PTPRO: variants seen among roughly 807,000 people sequenced by gnomAD.
PTPRO encodes protein tyrosine phosphatase receptor type O.
A neutral mutation model predicts 145.2 loss-of-function variants in PTPRO; 62 were observed. The ratio of observed to expected loss-of-function variants is 0.43; its 90% CI spans 0.35 to 0.53. PTPRO has a LOEUF of 0.53. Ranked by LOEUF, PTPRO falls within the 20% of genes least tolerant of loss-of-function variation. The probability of loss-of-function intolerance (pLI) is 0.01; values close to 1 mark genes in which losing one functional copy is unlikely to be tolerated. For missense variants in PTPRO, 1,345 were observed against 1,482.7 expected (o/e 0.91, Z 1.53); for synonymous variants, 565 against 514.7 (o/e 1.10, Z -1.32).
Position 15,581,810 on chromosome 12 carries a change from C to A in PTPRO, c.3255+9C>A. 1 of 1,613,618 alleles carries A rather than the reference C, an allele frequency of 6.2e-7. No homozygotes were observed. The highest frequency in any genetic ancestry group is 8.5e-7 in the Non-Finnish European group (1 of 1,179,712). On this transcript the variant is annotated intron_variant, in intron 23 of 26. Transcript: ENST00000281171. ...ACTTCCGGATCAACTATGTAAGTCA[C>A]CAGGCAGAGAGCAGGTGCTGTCCCT...
intron 6 of PTPRO, 24 bp from the exon 7 acceptor site, chr12:15,508,526 AGTGTAACGTGCAGCCTCCCCT>A: frequency 6.5e-7 from 1 of 1,543,346 alleles, no homozygotes; most frequent in Non-Finnish European, 8.9e-7. Flanking sequence ...TATCTCAATC[AGTGTAACGTGCAGCCTCCCCT>A]GTGTTCCAAT....
intron 19 of PTPRO, among the ~76,000 whole-genome samples, chr12:15,573,396 G>A (rs374067787): frequency 1.3e-5 from 2 of 152,250 alleles, no homozygotes; most frequent in African/African-American, 4.8e-5. Context: ...CTTCACAGCA[G>A]CAGACTGGTG....
intron 1 of PTPRO, among the ~76,000 whole-genome samples, chr12:15,434,313 G>T (rs1251926371): frequency 6.6e-6 from 1 of 152,072 alleles, no homozygotes; most frequent in East Asian, 1.9e-4. Flanking sequence ...AATACTTTTA[G>T]GTTTCTATTC....
rs369286351 is a variant in PTPRO, at chr12:15,551,717, CT to C, written c.2558+49del. The C allele has an allele frequency of 1.5e-5, 24 of 1,588,114 alleles. 1 individual carries two copies. In the African/African-American group the frequency reaches 2.7e-4, roughly 18 times the overall value. ...ATTTTATCCGGAATCTTTAAAATATCTTTATCTGCCATATATATATTGTTTT... is the reference window on the plus strand; with the variant it reads ...ATTTTATCCGGAATCTTTAAAATATCTTATCTGCCATATATATATTGTTTT... On this transcript the variant is annotated intron_variant, in intron 15 of 26. Transcript: ENST00000281171.
chr12:15,364,205 C>T (rs575910382), intron 1 of PTPRO, among the ~76,000 whole-genome samples: 3 of 152,228 alleles, frequency 2.0e-5, no homozygotes, highest in Admixed American at 2.0e-4. Flanking sequence ...CATTTTGAGG[C>T]TTCAGTTCAA....
At chr12:15,453,181 G>T (rs1436167118) in intron 1 of PTPRO, among the ~76,000 whole-genome samples, 1 of 151,998 alleles carries the variant, frequency 6.6e-6, no homozygotes, top group African/African-American at 2.4e-5. Context: ...AGTAGAGATG[G>T]CATTTCACCA....
intron 1 of PTPRO, among the ~76,000 whole-genome samples, chr12:15,329,837 G>C (rs569231800): frequency 1.3e-5 from 2 of 152,286 alleles, no homozygotes; most frequent in African/African-American, 4.8e-5. Flanking sequence ...ACTATTTAGT[G>C]GTTTGGGAAA....
chr12:15,588,448 A>G (rs1028797533), intron 24 of PTPRO, among the ~76,000 whole-genome samples: 1 of 152,236 alleles, frequency 6.6e-6, no homozygotes, highest in Admixed American at 6.5e-5. Flanking sequence ...ACATAGAACT[A>G]GGGACTGTGA....
intron 1 of PTPRO, among the ~76,000 whole-genome samples, chr12:15,328,692 T>C (rs1866520351): frequency 6.6e-6 from 1 of 152,218 alleles, no homozygotes; most frequent in African/African-American, 2.4e-5. Context: ...GAACATTTGA[T>C]GAAAACAAAT....
intron 17 of PTPRO, among the ~76,000 whole-genome samples, chr12:15,561,737 CCT>C (rs1943777145): frequency 6.6e-6 from 1 of 152,098 alleles, no homozygotes; most frequent in Non-Finnish European, 1.5e-5. Context: ...AAATAGTGTG[CCT>C]ACCATTAAAA....
chr12:15,594,921 T>C lies in PTPRO; in HGVS notation c.3547-16T>C. On this transcript the variant is annotated splice_polypyrimidine_tract_variant and intron_variant, in intron 25 of 26. Transcript: ENST00000281171. ...CACATGTCTGCTCTGAAACCTGTTT[T>C]TGTCTTTTGTTCCAGGAGCAGTACA... 1 of 1,592,424 alleles carries C rather than the reference T, an allele frequency of 6.3e-7. No individual in the cohort carries two copies. Among genetic ancestry groups the C allele is most frequent in the Non-Finnish European group, 8.6e-7 (1 of 1,160,968 alleles).
At chr12:15,557,367 A>G in intron 15 of PTPRO, 88 bp from the exon 16 acceptor site, 1 of 1,168,712 alleles carries the variant, frequency 8.6e-7, no homozygotes, top group Non-Finnish European at 1.3e-6. Context: ...CTGTGATGAT[A>G]AGCTGGTAAA....
At chr12:15,435,758 G>T (rs1303773346) in intron 1 of PTPRO, among the ~76,000 whole-genome samples, 1 of 152,122 alleles carries the variant, frequency 6.6e-6, no homozygotes, top group Non-Finnish European at 1.5e-5. Flanking sequence ...AGAAATGATT[G>T]TTCAGTACCA....
In PTPRO at chr12:15,574,964, C is replaced by G. The variant is rs78941568; in HGVS notation, c.2830-3889C>G. 3.8e-3 allele frequency among the ~76,000 whole-genome samples: 581 copies of G among 152,160 alleles called. 9 individuals carry two copies. Among genetic ancestry groups the G allele is most frequent in the African/African-American group, 0.013 (559 of 41,516 alleles). On this transcript the variant is annotated intron_variant, in intron 19 of 26. Transcript: ENST00000281171. ...AGGTTATGGGCTGAATATCTGTGGC[C>G]CCCCAAAATTCCTATGTTTAATCCC...
chr12:15,356,899 A>G (rs1938009654), intron 1 of PTPRO, among the ~76,000 whole-genome samples: 1 of 151,950 alleles, frequency 6.6e-6, no homozygotes, highest in African/African-American at 2.4e-5. Context: ...GGGGTGTGGT[A>G]TTGGCTAGGG....
In PTPRO at chr12:15,581,762, G is replaced by T. The variant is rs1944323336; in HGVS notation, c.3216G>T (p.Glu1072Asp). Residue 1072 changes from glutamate (E) to aspartate (D), a missense_variant, in exon 23 of 27, where the codon GAG (glutamate) becomes GAT (aspartate). Glu to Asp is a conservative substitution (Grantham distance 45, BLOSUM62 2). Transcript: ENST00000281171. ...DITVEMISEE[E>D]QDDWACRHFR... ...CTGTGGAGATGATTTCAGAGGAAGA[G>T]CAGGACGACTGGGCCTGTAGACACT... The T allele has an allele frequency of 6.2e-7, 1 of 1,614,026 alleles. No homozygotes were observed. Among genetic ancestry groups the T allele is most frequent in the Middle Eastern group, 1.7e-4 (1 of 6,058 alleles).
chr12:15,480,656 TG>T (rs1471299734), intron 1 of PTPRO, among the ~76,000 whole-genome samples: 1 of 152,214 alleles, frequency 6.6e-6, no homozygotes, highest in African/African-American at 2.4e-5. Context: ...ACTGAGATTT[TG>T]TCAGAGTTTC....
chr12:15,578,272 T>A (rs1944230870), intron 19 of PTPRO, among the ~76,000 whole-genome samples: 1 of 152,202 alleles, frequency 6.6e-6, no homozygotes, highest in South Asian at 2.1e-4. Flanking sequence ...ACAAATTGCA[T>A]AAACTTAAGT....
chr12:15,502,785 G>A (rs745391245), intron 5 of PTPRO, among the ~76,000 whole-genome samples: 1 of 151,860 alleles, frequency 6.6e-6, no homozygotes, highest in South Asian at 2.1e-4. Flanking sequence ...AGATTTTTAT[G>A]GTTATTTGTT....
Sources: allele counts gnomAD v4.1 joint callset (sites outside exome capture counted in the v4.1 genomes callset), GRCh38; gene constraint gnomAD v4.1.1; transcripts MANE v1.5; gene names NCBI Gene and HGNC (gene_info 2026-07-23, HGNC 2026-07-21).